Variants in ITPR2 observed in about 807,000 individuals in gnomAD.
ITPR2 encodes the protein inositol 1,4,5-trisphosphate receptor type 2, also known as inositol 1,4,5-trisphosphate-gated calcium channel ITPR2.
A neutral mutation model predicts 317.1 loss-of-function variants in ITPR2; 207 were observed. The ratio of observed to expected loss-of-function variants is 0.65; its 90% CI spans 0.58 to 0.73. ITPR2 has a LOEUF of 0.73. ITPR2 is among the 30% of genes least tolerant of loss of function. ITPR2 has a pLI of 0.00. For synonymous variants in ITPR2, 1,156 were observed against 1,149.1 expected, an observed-to-expected ratio of 1.01 and a Z score of -0.12; for missense variants, 2,613 against 3,284.0, an observed-to-expected ratio of 0.80 and a Z score of 4.99.
rs146833522 is a variant in ITPR2, at chr12:26,430,194, A to T, written c.6770-2106T>A. On this transcript the variant is annotated intron_variant, in intron 48 of 56. Coordinates refer to ENST00000381340, the MANE Select transcript of ITPR2 (RefSeq NM_002223.4). ...AATGTTTATAATTAACTTCTCTAAG[A>T]ATGATCATATTGGTTTCTATCTGAA... Among the ~76,000 whole-genome samples the T allele has an allele frequency of 3.9e-3, 592 of 152,322 alleles. 2 individuals are homozygous for T. Among genetic ancestry groups the T allele is most frequent in the Middle Eastern group, 0.01 (3 of 294 alleles).
intron 55 of ITPR2, among the ~76,000 whole-genome samples, chr12:26,365,708 A>C (rs1239751680): frequency 6.6e-6 from 1 of 152,212 alleles, no homozygotes; most frequent in Non-Finnish European, 1.5e-5. Flanking sequence ...CTATCACTTA[A>C]GGAGTTTAAA....
Position 26,475,462 on chromosome 12 carries a change from C to G in ITPR2, c.6220-44G>C, listed in dbSNP as rs189088709. The G allele has an allele frequency of 1.1e-4, 183 of 1,591,968 alleles. No individual in the cohort carries two copies. The African/African-American group carries it at 2.2e-3, about 20-fold the overall frequency. On this transcript the variant is annotated intron_variant, in intron 44 of 56. Coordinates refer to ENST00000381340, the MANE Select transcript of ITPR2 (RefSeq NM_002223.4). ...AATATTGAAATGCCAGAAACAACATCTGCTTTATATTTTTATGAGATTTAA... is the reference window on the plus strand; with the variant it reads ...AATATTGAAATGCCAGAAACAACATGTGCTTTATATTTTTATGAGATTTAA...
intron 37 of ITPR2, among the ~76,000 whole-genome samples, chr12:26,507,919 T>A (rs1462304345): frequency 1.3e-5 from 2 of 150,122 alleles, no homozygotes; most frequent in Non-Finnish European, 3.0e-5. Flanking sequence ...GTGTGTAATA[T>A]ATACGTATAT....
intron 15 of ITPR2, among the ~76,000 whole-genome samples, chr12:26,663,329 C>T (rs1947544638): frequency 6.6e-6 from 1 of 152,192 alleles, no homozygotes; most frequent in Non-Finnish European, 1.5e-5. Context: ...TAAACTATAA[C>T]CTCTTTGGTC....
chr12:26,553,858 C>A (rs1211618553), intron 36 of ITPR2, among the ~76,000 whole-genome samples: 1 of 152,114 alleles, frequency 6.6e-6, no homozygotes, highest in Non-Finnish European at 1.5e-5. Flanking sequence ...ACAAAGGAAA[C>A]CCTTAGTTCT....
rs201120864 is a variant in ITPR2 at position 26,816,831 on chromosome 12, G to C, written c.92+15859C>G. 8.5e-5 allele frequency among the ~76,000 whole-genome samples: 13 copies of C among 152,130 alleles called. No homozygotes were observed. The East Asian group carries it at 2.5e-3, about 29-fold the overall frequency. ...TAATAAACAGGTGAGAGGTGTGCAG[G>C]TAAGATGGGAAATTGACCAGACAGA... On this transcript the variant is annotated intron_variant, in intron 1 of 56. Coordinates refer to ENST00000381340, the MANE Select transcript of ITPR2 (RefSeq NM_002223.4).
At chr12:26,478,503 C>T (rs1188541680) in intron 43 of ITPR2, among the ~76,000 whole-genome samples, 1 of 152,088 alleles carries the variant, frequency 6.6e-6, no homozygotes, top group Non-Finnish European at 1.5e-5. Flanking sequence ...AATGAACCTA[C>T]CCTCAGCAGG....
intron 54 of ITPR2, among the ~76,000 whole-genome samples, chr12:26,395,026 C>T (rs770171563): frequency 3.9e-5 from 6 of 151,988 alleles, no homozygotes; most frequent in Non-Finnish European, 7.4e-5. Flanking sequence ...CAGACATGGC[C>T]GGTTTGGCTG....
intron 32 of ITPR2, among the ~76,000 whole-genome samples, chr12:26,587,714 C>T (rs918436668): frequency 1.3e-5 from 2 of 152,120 alleles, no homozygotes. Flanking sequence ...CTTCTTCTCC[C>T]TCTCTTTCCC....
intron 52 of ITPR2, among the ~76,000 whole-genome samples, chr12:26,401,615 T>G (rs1009338471): frequency 1.3e-5 from 2 of 152,216 alleles, no homozygotes; most frequent in East Asian, 1.9e-4. Flanking sequence ...TTTTTCTCAC[T>G]ACAAGGTTAA....
intron 32 of ITPR2, among the ~76,000 whole-genome samples, chr12:26,594,818 C>G (rs1211629091): frequency 6.6e-6 from 1 of 151,966 alleles, no homozygotes; most frequent in Non-Finnish European, 1.5e-5. Flanking sequence ...TATTTCTTCA[C>G]TCATTCATTT....
intron 51 of ITPR2, among the ~76,000 whole-genome samples, chr12:26,413,926 T>C (rs980074266): frequency 6.6e-6 from 1 of 152,208 alleles, no homozygotes; most frequent in African/African-American, 2.4e-5. Context: ...ACATTTTGAA[T>C]TCATAAATTA....
In ITPR2 at chr12:26,427,901, TA is replaced by T; in HGVS notation, c.6945+11del. On this transcript the variant is annotated intron_variant, in intron 49 of 56. Coordinates refer to ENST00000381340, the MANE Select transcript of ITPR2 (RefSeq NM_002223.4). Reference sequence around the variant, plus strand: ...AATTCTGTAACAGTACAAAGCTAAGTAAAGTACTTACATTAGCTGCACCAAG... The same window carrying T: ...AATTCTGTAACAGTACAAAGCTAAGTAAGTACTTACATTAGCTGCACCAAG... 6.6e-7 allele frequency: 1 copy of T among 1,525,682 alleles called. No homozygotes were observed. Among genetic ancestry groups the T allele is most frequent in the Admixed American group, 2.1e-5 (1 of 48,460 alleles). The allele number at this position is 1,525,682 out of a possible 1,614,324, so 94.5% of individuals were successfully genotyped here.
chr12:26,733,879 C>T (rs11835979), intron 2 of ITPR2, among the ~76,000 whole-genome samples: 32,066 of 151,982 alleles, frequency 0.21, 3,537 homozygotes, highest in Non-Finnish European at 0.24. Context: ...CTGACTGATT[C>T]AGAAATCAAA....
intron 33 of ITPR2, among the ~76,000 whole-genome samples, chr12:26,579,326 G>A (rs1214182467): frequency 6.6e-6 from 1 of 152,116 alleles, no homozygotes; most frequent in Admixed American, 6.5e-5. Context: ...CACAATCACT[G>A]TAGAATATTT....
intron 2 of ITPR2, among the ~76,000 whole-genome samples, chr12:26,751,688 A>G (rs1195383074): frequency 2.0e-5 from 3 of 152,154 alleles, no homozygotes; most frequent in Admixed American, 6.5e-5. Context: ...CAATATGGTG[A>G]AACCCCGTCT....
chr12:26,355,642 C>G (rs1938615459), intron 55 of ITPR2, among the ~76,000 whole-genome samples: 1 of 152,324 alleles, frequency 6.6e-6, no homozygotes, highest in South Asian at 2.1e-4. Flanking sequence ...CCCATTCTCT[C>G]CTTTAACTCT....
Position 26,833,016 on chromosome 12 carries a change from A to T in ITPR2, c.-235T>A. 6 of 484,684 alleles carry T rather than the reference A, an allele frequency of 1.2e-5. No individual in the cohort carries two copies. The South Asian group carries it at 1.7e-4, about 14-fold the overall frequency. The allele number at this position is 484,684 out of a possible 1,614,324, so 30.0% of individuals were successfully genotyped here. ...GGACACCCCGCGAAGAGCGCAGCCC[A>T]GGCGCCCAGAGAAGCCGCAGCCGCC... On this transcript the variant is annotated 5_prime_UTR_variant, in exon 1 of 57. Transcript: ENST00000381340.
chr12:26,578,682 A>G, intron 34 of ITPR2, 31 bp downstream of exon 34: 1 of 1,550,560 alleles, frequency 6.4e-7, no homozygotes, highest in Non-Finnish European at 8.8e-7. Flanking sequence ...CAAGAAATGT[A>G]AAAATAAGTA....
Sources: allele counts gnomAD v4.1 joint callset (sites outside exome capture counted in the v4.1 genomes callset), GRCh38; gene constraint gnomAD v4.1.1; transcripts MANE v1.5; gene names NCBI Gene and HGNC (gene_info 2026-07-23, HGNC 2026-07-21).